The following DLG2 variants were observed in gnomAD, a reference collection of about 807,000 sequenced individuals.
DLG2 encodes the protein disks large homolog 2.
A neutral mutation model predicts 132.5 loss-of-function variants in DLG2; 45 were observed. The ratio of observed to expected loss-of-function variants is 0.34; its 90% CI spans 0.27 to 0.44. DLG2 has a LOEUF of 0.44. DLG2 is among the 20% of genes least tolerant of loss of function. DLG2 has a pLI of 1.00. For synonymous variants in DLG2, 424 were observed against 419.6 expected, an observed-to-expected ratio of 1.01 and a Z score of -0.13; for missense variants, 1,045 against 1,196.9, an observed-to-expected ratio of 0.87 and a Z score of 1.87.
chr11:84,596,891 C>T (rs2099561076), intron 6 of DLG2, among the ~76,000 whole-genome samples: 1 of 152,124 alleles, frequency 6.6e-6, no homozygotes, highest in Non-Finnish European at 1.5e-5. Flanking sequence ...AGGCACTATG[C>T]TAGGCATAGG....
chr11:83,682,131 C>T (rs2078931388), intron 18 of DLG2: 4 of 985,296 alleles, frequency 4.1e-6, no homozygotes, highest in African/African-American at 1.7e-5. Context: ...TCAACAACAA[C>T]GATTAGCTGC....
At chr11:85,363,085 G>A (rs895161674) in intron 3 of DLG2, among the ~76,000 whole-genome samples, 1 of 152,156 alleles carries the variant, frequency 6.6e-6, no homozygotes, top group Non-Finnish European at 1.5e-5. Flanking sequence ...AGAGTGTTGT[G>A]ATTTCTGGAG....
At chr11:84,847,941 T>A (rs1321901356) in intron 6 of DLG2, among the ~76,000 whole-genome samples, 1 of 151,948 alleles carries the variant, frequency 6.6e-6, no homozygotes, top group Non-Finnish European at 1.5e-5. Flanking sequence ...ACAGAGGCCA[T>A]CAAAGAAAAG....
chr11:84,473,538 C>A (rs2099114022), intron 7 of DLG2, among the ~76,000 whole-genome samples: 1 of 151,844 alleles, frequency 6.6e-6, no homozygotes, highest in South Asian at 2.1e-4. Flanking sequence ...TGGAAGAATG[C>A]CATCACTCTT....
intron 6 of DLG2, among the ~76,000 whole-genome samples, chr11:84,823,492 C>T (rs1392700887): frequency 4.0e-5 from 6 of 149,528 alleles, no homozygotes; most frequent in Non-Finnish European, 7.4e-5. Flanking sequence ...TGTGGCTTGA[C>T]CTCTCACTTC....
At chr11:85,449,057 T>G (rs1337983938) in intron 3 of DLG2, among the ~76,000 whole-genome samples, 2 of 152,218 alleles carry the variant, frequency 1.3e-5, no homozygotes, top group Non-Finnish European at 2.9e-5. Context: ...GTATCTTCTC[T>G]ATTATTTCCT....
intron 9 of DLG2, among the ~76,000 whole-genome samples, chr11:84,128,808 A>C (rs781323606): frequency 3.3e-5 from 5 of 152,130 alleles, no homozygotes; most frequent in African/African-American, 4.8e-5. Flanking sequence ...GGGAAAAAAA[A>C]CACAAGCAGT....
chr11:84,172,993 C>T (rs777542812), intron 8 of DLG2, among the ~76,000 whole-genome samples: 7 of 151,896 alleles, frequency 4.6e-5, no homozygotes, highest in Admixed American at 1.3e-4. Flanking sequence ...TTGTAATTAG[C>T]GGCTTTTTAG....
intron 4 of DLG2, among the ~76,000 whole-genome samples, chr11:85,194,403 A>G (rs754015277): frequency 2.0e-5 from 3 of 152,092 alleles, no homozygotes; most frequent in Non-Finnish European, 4.4e-5. Flanking sequence ...ATAGTTATAT[A>G]TTCATTGTTT....
intron 21 of DLG2, among the ~76,000 whole-genome samples, chr11:83,520,729 A>AGATG (rs1565617753): frequency 1.5e-5 from 2 of 135,282 alleles, no homozygotes. Context: ...ATAGATAGAT[A>AGATG]GATAGATAGA....
intron 6 of DLG2, among the ~76,000 whole-genome samples, chr11:85,010,930 C>T (rs1408526959): frequency 1.3e-5 from 2 of 152,098 alleles, no homozygotes; most frequent in African/African-American, 4.8e-5. Context: ...AATTAGAAAA[C>T]TTAGTTTTAG....
chr11:84,866,239 G>T (rs974405961), intron 6 of DLG2, among the ~76,000 whole-genome samples: 9 of 152,154 alleles, frequency 5.9e-5, no homozygotes, highest in African/African-American at 2.2e-4. Context: ...AAGGTGATTT[G>T]CTGCTGGAGC....
chr11:84,935,176 T>C (rs894625891), intron 6 of DLG2, among the ~76,000 whole-genome samples: 4 of 152,236 alleles, frequency 2.6e-5, no homozygotes, highest in African/African-American at 9.6e-5. Context: ...ATGTGTAATG[T>C]TTTCACCAGA....
At chr11:84,305,217 C>T (rs1447460705) in intron 7 of DLG2, among the ~76,000 whole-genome samples, 28 of 152,066 alleles carry the variant, frequency 1.8e-4, no homozygotes, top group Admixed American at 6.5e-5. Flanking sequence ...GAAAATATGG[C>T]AGTCTGTGAG....
chr11:84,466,420 G>T (rs2099094549), intron 7 of DLG2, among the ~76,000 whole-genome samples: 2 of 151,144 alleles, frequency 1.3e-5, no homozygotes, highest in South Asian at 2.1e-4. Context: ...CTTTAATATA[G>T]AAAGAGCCTC....
chr11:84,872,821 A>G (rs967343312), intron 6 of DLG2, among the ~76,000 whole-genome samples: 2 of 152,244 alleles, frequency 1.3e-5, no homozygotes, highest in African/African-American at 4.8e-5. Flanking sequence ...ACATTTGAGC[A>G]ATGATGGAAA....
At chr11:84,095,410 G>A (rs921287367) in intron 10 of DLG2, among the ~76,000 whole-genome samples, 3 of 152,178 alleles carry the variant, frequency 2.0e-5, no homozygotes, top group African/African-American at 7.2e-5. Flanking sequence ...GGTCAACTGT[G>A]TTACATACAG....
chr11:85,267,972 G>C (rs776386040), intron 4 of DLG2, among the ~76,000 whole-genome samples: 1 of 151,986 alleles, frequency 6.6e-6, no homozygotes, highest in African/African-American at 2.4e-5. Flanking sequence ...TCAGGATCAT[G>C]AATATGTTTG....
At chr11:85,575,418 C>T (rs1012151003) in intron 3 of DLG2, among the ~76,000 whole-genome samples, 2 of 151,626 alleles carry the variant, frequency 1.3e-5, no homozygotes, top group African/African-American at 4.9e-5. Flanking sequence ...CGCCTGTGGT[C>T]CCAGCCACTT....
Sources: gnomAD v4.1 joint callset for allele counts (sites outside exome capture counted in the v4.1 genomes callset) on GRCh38, gnomAD v4.1.1 for gene constraint, MANE v1.5 for transcripts, NCBI Gene and HGNC (gene_info 2026-07-23, HGNC 2026-07-21) for gene names.